FAM117B: variants seen among roughly 807,000 people sequenced by gnomAD.
FAM117B encodes family with sequence similarity 117 member B, also known as protein FAM117B.
FAM117B carries 22 observed loss-of-function variants against 52.8 expected under a neutral mutation model. The ratio of observed to expected loss-of-function variants is 0.42; its 90% CI spans 0.30 to 0.59. FAM117B has a LOEUF of 0.59. FAM117B is among the 20% of genes least tolerant of loss of function. The pLI is 0.22. For synonymous variants in FAM117B, 309 were observed against 324.1 expected (o/e 0.95, Z 0.50); for missense variants, 678 against 802.6 (o/e 0.84, Z 1.88).
chr2:202,758,353 C>T (rs1416139110), intron 6 of FAM117B, among the ~76,000 whole-genome samples: 2 of 152,206 alleles, frequency 1.3e-5, no homozygotes, highest in East Asian at 1.9e-4. Context: ...TGATAAAACA[C>T]GGGTCAGATA....
Position 202,643,644 on chromosome 2 carries a change from C to T in FAM117B, c.601+7856C>T, listed in dbSNP as rs561084017. 2.6e-5 allele frequency among the ~76,000 whole-genome samples: 4 copies of T among 152,202 alleles called. No homozygotes were observed. The East Asian group carries it at 7.7e-4, about 29-fold the overall frequency. On this transcript the variant is annotated intron_variant, in intron 1 of 7. Coordinates refer to ENST00000392238, the MANE Select transcript of FAM117B (RefSeq NM_173511.4). Reference sequence around the variant, plus strand: ...CATCTTTCTCCACTCCCTCTTCCTGCCCCCTAGAAACAACCACTTTCAACT... The same window carrying T: ...CATCTTTCTCCACTCCCTCTTCCTGTCCCCTAGAAACAACCACTTTCAACT...
At chr2:202,714,550 T>A (rs1351591151) in intron 2 of FAM117B, among the ~76,000 whole-genome samples, 13 of 147,434 alleles carry the variant, frequency 8.8e-5, no homozygotes, top group East Asian at 3.9e-4. Flanking sequence ...TTTTTTTTTT[T>A]ATTGATCATT....
At chr2:202,675,238 A>C (rs1574551254) in intron 1 of FAM117B, among the ~76,000 whole-genome samples, 1 of 148,986 alleles carries the variant, frequency 6.7e-6, no homozygotes, top group African/African-American at 2.4e-5. Context: ...AAAAAAAAAA[A>C]ACAACAACAA....
intron 1 of FAM117B, among the ~76,000 whole-genome samples, chr2:202,658,199 T>C (rs796138126): frequency 5.9e-4 from 90 of 152,330 alleles, no homozygotes; most frequent in African/African-American, 2.1e-3. Context: ...GAAGTTAGTT[T>C]CCCTTTGGTA....
intron 2 of FAM117B, among the ~76,000 whole-genome samples, chr2:202,723,776 G>A (rs139859914): frequency 6.6e-6 from 1 of 152,256 alleles, no homozygotes; most frequent in East Asian, 1.9e-4. Flanking sequence ...TATCTGTGCA[G>A]GATAAATTGT....
At chr2:202,725,761 GC>G (rs1478805121) in intron 3 of FAM117B, among the ~76,000 whole-genome samples, 1 of 152,138 alleles carries the variant, frequency 6.6e-6, no homozygotes, top group Non-Finnish European at 1.5e-5. Flanking sequence ...ATGTAGAAAT[GC>G]AAAAACTCGG....
At chr2:202,725,057 T>G in intron 3 of FAM117B, 48 bp downstream of exon 3, 1 of 1,433,568 alleles carries the variant, frequency 7.0e-7, no homozygotes, top group Non-Finnish European at 9.7e-7. Flanking sequence ...ATGATCCTTT[T>G]GTTGGCTATT....
chr2:202,647,325 T>C (rs894902854), intron 1 of FAM117B, among the ~76,000 whole-genome samples: 15 of 152,212 alleles, frequency 9.9e-5, no homozygotes, highest in Non-Finnish European at 1.8e-4. Context: ...CTAGCAGAAT[T>C]ATTAATGTGT....
At chr2:202,724,667 T>A (rs1559110281) in intron 2 of FAM117B, among the ~76,000 whole-genome samples, 1 of 152,188 alleles carries the variant, frequency 6.6e-6, no homozygotes, top group African/African-American at 2.4e-5. Context: ...ATGCTTTATT[T>A]GTAGTATAAT....
chr2:202,713,214 T>C (rs974597347), intron 2 of FAM117B, among the ~76,000 whole-genome samples: 4 of 152,200 alleles, frequency 2.6e-5, no homozygotes, highest in Non-Finnish European at 4.4e-5. Flanking sequence ...TTACTTGTTA[T>C]TGGTCTGTTC....
intron 2 of FAM117B, among the ~76,000 whole-genome samples, chr2:202,707,297 C>T (rs1323278738): frequency 6.6e-6 from 1 of 151,506 alleles, no homozygotes; most frequent in Non-Finnish European, 1.5e-5. Context: ...CCATCCTCCT[C>T]CCTCAGCCTC....
chr2:202,673,173 A>G (rs905833376), intron 1 of FAM117B, among the ~76,000 whole-genome samples: 3 of 152,148 alleles, frequency 2.0e-5, no homozygotes, highest in South Asian at 2.1e-4. Context: ...TTTGGTTGCA[A>G]GTGAGTCTGT....
At chr2:202,714,310 C>T (rs1691003346) in intron 2 of FAM117B, among the ~76,000 whole-genome samples, 1 of 151,962 alleles carries the variant, frequency 6.6e-6, no homozygotes. Context: ...CTGCAAATAT[C>T]TATTAGGTCC....
chr2:202,757,696 A>G (rs991216973), intron 6 of FAM117B, among the ~76,000 whole-genome samples: 1 of 152,176 alleles, frequency 6.6e-6, no homozygotes, highest in East Asian at 1.9e-4. Flanking sequence ...TATTGGTGAG[A>G]AACATTCTTT....
At chr2:202,704,727 G>A (rs1215622320) in intron 2 of FAM117B, among the ~76,000 whole-genome samples, 1 of 151,974 alleles carries the variant, frequency 6.6e-6, no homozygotes, top group East Asian at 1.9e-4. Context: ...GAGTAGTTGG[G>A]ATTATAGGTG....
intron 2 of FAM117B, among the ~76,000 whole-genome samples, chr2:202,720,638 T>C (rs1691135585): frequency 2.0e-5 from 3 of 151,914 alleles, no homozygotes; most frequent in Admixed American, 6.6e-5. Flanking sequence ...TCAACATTTA[T>C]ACATTACACT....
At chr2:202,691,673 G>GTA (rs1559103257) in intron 1 of FAM117B, among the ~76,000 whole-genome samples, 1 of 149,934 alleles carries the variant, frequency 6.7e-6, no homozygotes, top group Non-Finnish European at 1.5e-5. Flanking sequence ...GTGTGTGTGT[G>GTA]TGTGTGTGTG....
At chr2:202,705,793 T>C (rs1690862241) in intron 2 of FAM117B, among the ~76,000 whole-genome samples, 1 of 152,228 alleles carries the variant, frequency 6.6e-6, no homozygotes, top group African/African-American at 2.4e-5. Context: ...ACTACCTGAT[T>C]TTCAGAGTGC....
intron 1 of FAM117B, among the ~76,000 whole-genome samples, chr2:202,675,486 C>G (rs183579766): frequency 2.9e-4 from 43 of 146,760 alleles, no homozygotes; most frequent in Admixed American, 1.6e-3. Context: ...TGCTACCTCT[C>G]TCAGAAAACC....
Sources: allele counts gnomAD v4.1 joint callset (sites outside exome capture counted in the v4.1 genomes callset), GRCh38; gene constraint gnomAD v4.1.1; transcripts MANE v1.5; gene names NCBI Gene and HGNC (gene_info 2026-07-23, HGNC 2026-07-21).